ANKMY1: variants seen among roughly 807,000 people sequenced by gnomAD.
ANKMY1 encodes the protein ankyrin repeat and MYND domain-containing protein 1.
A neutral mutation model predicts 102.0 loss-of-function variants in ANKMY1; 98 were observed. The observed-to-expected ratio is 0.96, with a 90% CI of 0.82 to 1.14. ANKMY1 has a LOEUF of 1.14. Ranked by LOEUF, ANKMY1 falls within the 50% of genes most tolerant of loss-of-function variation. The pLI is 0.00. For synonymous variants in ANKMY1, 582 were observed against 559.9 expected, an observed-to-expected ratio of 1.04 and a Z score of -0.56; for missense variants, 1,330 against 1,347.6, an observed-to-expected ratio of 0.99 and a Z score of 0.20.
intron 4 of ANKMY1, among the ~76,000 whole-genome samples, chr2:240,540,834 G>A (rs901336133): frequency 2.6e-5 from 4 of 152,204 alleles, no homozygotes; most frequent in Non-Finnish European, 4.4e-5. Context: ...CAGCATTGCT[G>A]AAGGCCTGAA....
intron 5 of ANKMY1, among the ~76,000 whole-genome samples, chr2:240,528,295 C>A (rs542303270): frequency 7.7e-6 from 1 of 129,166 alleles, no homozygotes; most frequent in African/African-American, 2.8e-5. Context: ...CTGCCCCCAC[C>A]CCCCCCCCAA....
chr2:240,481,181 G>T, intron 16 of ANKMY1, 84 bp from the exon 17 acceptor site: 1 of 1,519,628 alleles, frequency 6.6e-7, no homozygotes, highest in Admixed American at 1.8e-5. Flanking sequence ...GCTGTGCCTG[G>T]CCCTGAGCTC....
chr2:240,481,080 A>G lies in ANKMY1; in HGVS notation c.2903T>C (p.Phe968Ser), dbSNP rs2151829640. The change falls in exon 17 of 18, where the codon TTC (phenylalanine) becomes TCC (serine). Residue 968 changes from phenylalanine to serine, a missense_variant. Coordinates refer to ENST00000401804, the MANE Select transcript of ANKMY1 (RefSeq NM_001282771.3). ...KEQGQIPFFK[F>S]CYQCGRSIGV... ...GATGGAGCGGCCACACTGGTAGCAG[A>G]ACTTGAAGAAGGGAATTCTGCAACA... is the stretch of plus-strand genomic sequence containing the variant. 2 of 1,610,442 alleles carry G rather than the reference A, an allele frequency of 1.2e-6. No individual in the cohort carries two copies. The highest frequency in any genetic ancestry group is 1.7e-5 in the Admixed American group (1 of 59,956).
At position 240,497,129 on chromosome 2, in the gene ANKMY1, C is replaced by G. The variant is rs867757781; in HGVS notation, c.2806+2829G>C. On this transcript the variant is annotated intron_variant, in intron 15 of 17. Coordinates refer to ENST00000401804, the MANE Select transcript of ANKMY1 (RefSeq NM_001282771.3). Reference sequence around the variant, plus strand: ...CCTCCTCGCCATCTTGGAAGCTGAGCATAAGAATGGAGCCGCCACCTCCTC... The same window carrying G: ...CCTCCTCGCCATCTTGGAAGCTGAGGATAAGAATGGAGCCGCCACCTCCTC... Among the ~76,000 whole-genome samples, 9 of 148,320 alleles carry G rather than the reference C, an allele frequency of 6.1e-5. No homozygotes were observed. The South Asian group carries it at 1.3e-3, about 22-fold the overall frequency.
intron 9 of ANKMY1, among the ~76,000 whole-genome samples, chr2:240,517,842 T>C (rs2081454932): frequency 6.6e-6 from 1 of 152,172 alleles, no homozygotes; most frequent in Non-Finnish European, 1.5e-5. Context: ...TTCTGCACTT[T>C]GTGTGGGTAA....
At chr2:240,485,075 TC>T (rs1024159602) in intron 15 of ANKMY1, among the ~76,000 whole-genome samples, 5 of 152,108 alleles carry the variant, frequency 3.3e-5, no homozygotes, top group Admixed American at 1.3e-4. Context: ...ATGCCTGTAA[TC>T]CCAGCACTTT....
intron 4 of ANKMY1, among the ~76,000 whole-genome samples, chr2:240,537,961 T>C (rs190798424): frequency 7.5e-4 from 115 of 152,354 alleles, no homozygotes; most frequent in African/African-American, 2.7e-3. Context: ...CCTTTTGCTG[T>C]CCATACATTG....
intron 5 of ANKMY1, among the ~76,000 whole-genome samples, chr2:240,528,648 C>T (rs1028087534): frequency 2.0e-5 from 3 of 152,140 alleles, no homozygotes; most frequent in African/African-American, 7.2e-5. Flanking sequence ...GGCCAGGACT[C>T]ACCATTAGCT....
At chr2:240,540,794 T>G (rs1176116932) in intron 4 of ANKMY1, among the ~76,000 whole-genome samples, 9 of 152,164 alleles carry the variant, frequency 5.9e-5, no homozygotes, top group Non-Finnish European at 1.0e-4. Flanking sequence ...AGATTTTGGT[T>G]CCCTGACAAG....
At chr2:240,547,197 T>G (rs193259914) in intron 4 of ANKMY1, among the ~76,000 whole-genome samples, 6 of 152,152 alleles carry the variant, frequency 3.9e-5, no homozygotes, top group African/African-American at 1.4e-4. Context: ...TAGAACTCAG[T>G]ATTAAGAATC....
At chr2:240,530,130 C>T (rs1049127020) in intron 4 of ANKMY1, among the ~76,000 whole-genome samples, 1 of 152,176 alleles carries the variant, frequency 6.6e-6, no homozygotes, top group Non-Finnish European at 1.5e-5. Flanking sequence ...GTGGAGGCCA[C>T]AGTGCAAGAG....
In ANKMY1 at chr2:240,499,636, C is replaced by T. The variant is rs567203246; in HGVS notation, c.2806+322G>A. Among the ~76,000 whole-genome samples the T allele has an allele frequency of 1.3e-5, 2 of 152,088 alleles. No individual in the cohort carries two copies. The highest frequency in any genetic ancestry group is 1.9e-4 in the East Asian group (1 of 5,170). ...GGCCTCGGGCCCACAGTCCCTGTGC[C>T]GGATAGACTGGCACTCCTGACAGGG... On this transcript the variant is annotated intron_variant, in intron 15 of 17. Coordinates refer to ENST00000401804, the MANE Select transcript of ANKMY1 (RefSeq NM_001282771.3). The surrounding 1 kb of genome is among the most constrained non-coding windows in gnomAD (Gnocchi z 4.2).
upstream of ANKMY1, chr2:240,560,785 C>A: frequency 6.9e-7 from 1 of 1,458,742 alleles, no homozygotes; most frequent in Non-Finnish European, 9.0e-7. Flanking sequence ...GCGCGAGCCG[C>A]GGGCGCGGAG....
intron 7 of ANKMY1, 28 bp downstream of exon 7, chr2:240,525,657 G>A: frequency 6.2e-7 from 1 of 1,609,712 alleles, no homozygotes; most frequent in Middle Eastern, 1.7e-4. Flanking sequence ...GAGACAGTTG[G>A]TGGTGCAGTG....
chr2:240,472,511 CT>C, the ANKMY1 span, among the ~76,000 whole-genome samples: 3 of 152,232 alleles, frequency 2.0e-5, no homozygotes, highest in African/African-American at 7.2e-5. Flanking sequence ...TCAGTCCTGC[CT>C]GTCAGGGACT....
At position 240,506,964 on chromosome 2, in the gene ANKMY1, A is replaced by C. The variant is rs1398631550; in HGVS notation, c.2526+596T>G. On this transcript the variant is annotated intron_variant, in intron 13 of 17. Coordinates refer to ENST00000401804, the MANE Select transcript of ANKMY1 (RefSeq NM_001282771.3). The surrounding 1 kb of genome is among the most constrained non-coding windows in gnomAD (Gnocchi z 4.9). ...CCTAAGAAAGCCGCTCCCTGTGGCC[A>C]GGAGACAATGCCCCAAACCCCCGCC... Among the ~76,000 whole-genome samples the C allele has an allele frequency of 6.6e-6, 1 of 152,202 alleles. No homozygotes were observed. Among genetic ancestry groups the C allele is most frequent in the Non-Finnish European group, 1.5e-5 (1 of 68,006 alleles).
chr2:240,473,018 G>C, the ANKMY1 span, among the ~76,000 whole-genome samples: 247 of 151,464 alleles, frequency 1.6e-3, 1 homozygote, highest in Admixed American at 3.3e-3. Context: ...CCACTACTCA[G>C]GAGGCTGAGG....
chr2:240,479,528 G>T lies in ANKMY1; in HGVS notation c.*81C>A, dbSNP rs2075092966. 6.6e-7 allele frequency: 1 copy of T among 1,506,562 alleles called. No homozygotes were observed. The highest frequency in any genetic ancestry group is 9.2e-7 in the Non-Finnish European group (1 of 1,086,202). 93.3% of individuals were successfully genotyped at this position (1,506,562 alleles called of 1,614,324 possible). ...CAGAAATGCCTGCATTAGGCTGGAAGATTCCCTGAGGTGGCTCAGGCAGGT... is the reference window on the plus strand; with the variant it reads ...CAGAAATGCCTGCATTAGGCTGGAATATTCCCTGAGGTGGCTCAGGCAGGT... On this transcript the variant is annotated 3_prime_UTR_variant, in exon 18 of 18. Transcript: ENST00000401804.
chr2:240,476,739 C>A (rs771846380), downstream of ANKMY1, among the ~76,000 whole-genome samples: 9 of 152,166 alleles, frequency 5.9e-5, no homozygotes, highest in Non-Finnish European at 1.3e-4. Context: ...AAAATTAATG[C>A]TAGATTGGTT....
Sources: gnomAD v4.1 joint callset for allele counts (sites outside exome capture counted in the v4.1 genomes callset) on GRCh38, gnomAD v4.1.1 for gene constraint, Gnocchi (gnomAD v3.1) non-coding constraint, MANE v1.5 for transcripts, NCBI Gene and HGNC (gene_info 2026-07-23, HGNC 2026-07-21) for gene names.